The following TRMT11 variants were observed in gnomAD, a reference collection of about 807,000 sequenced individuals.
TRMT11 encodes tRNA methyltransferase 11.
TRMT11 carries 53 observed loss-of-function variants against 62.8 expected under a neutral mutation model. The observed-to-expected ratio is 0.84, with a 90% CI of 0.68 to 1.06. The LOEUF (loss-of-function observed/expected upper bound fraction) is 1.06, where lower values mean the gene tolerates loss of function less well. Among genes scored for constraint, TRMT11 ranks in the 50% least tolerant of loss-of-function variants. TRMT11 has a pLI of 0.00. For missense variants in TRMT11, 556 were observed against 553.4 expected, an observed-to-expected ratio of 1.00 and a Z score of -0.05; for synonymous variants, 188 against 190.3, an observed-to-expected ratio of 0.99 and a Z score of 0.10.
intron 18 of TRMT11, among the ~76,000 whole-genome samples, chr6:126,114,093 A>C (rs891019872): frequency 6.6e-6 from 1 of 152,098 alleles, no homozygotes; most frequent in African/African-American, 2.4e-5. Flanking sequence ...TTCAGAGTGC[A>C]TTTCATGTCA....
At chr6:126,215,384 T>C in the TRMT11 span, among the ~76,000 whole-genome samples, 12 of 152,156 alleles carry the variant, frequency 7.9e-5, no homozygotes, top group Non-Finnish European at 1.6e-4. Flanking sequence ...GGGTCCAATG[T>C]ATTTACAGTT....
chr6:125,996,365 CAAAAATACTTTTTT>C (rs990967234), intron 3 of TRMT11, among the ~76,000 whole-genome samples: 10 of 152,114 alleles, frequency 6.6e-5, no homozygotes, highest in Non-Finnish European at 7.4e-5. Context: ...GCTGAAAATC[CAAAAATACTTTTTT>C]CATAGATGGT....
At chr6:126,096,822 T>C (rs914983240) in intron 17 of TRMT11, among the ~76,000 whole-genome samples, 3 of 152,212 alleles carry the variant, frequency 2.0e-5, no homozygotes, top group African/African-American at 7.2e-5. Flanking sequence ...ATATTTTGTA[T>C]TATCTATTAA....
rs78867345 is a variant in TRMT11, at chr6:126,107,576, G to T, written c.*1438-5290G>T. ...ACATTTCAGTCCTAAATCATGCACAGCAGGCGAGTTTGTGGGCTGAGCGGC... is the reference window on the plus strand; with the variant it reads ...ACATTTCAGTCCTAAATCATGCACATCAGGCGAGTTTGTGGGCTGAGCGGC... On this transcript the variant is annotated intron_variant and NMD_transcript_variant, in intron 17 of 22. Coordinates refer to the TRMT11 transcript ENST00000648977. 1.5e-4 allele frequency among the ~76,000 whole-genome samples: 23 copies of T among 152,280 alleles called. No individual in the cohort carries two copies. In the East Asian group the frequency reaches 4.4e-3, roughly 29 times the overall value.
intron 21 of TRMT11, among the ~76,000 whole-genome samples, chr6:126,121,558 A>G (rs139630363): frequency 1.2e-3 from 188 of 152,146 alleles, no homozygotes; most frequent in African/African-American, 4.5e-3. Context: ...ATTTTGGGTT[A>G]ATGTTCTATC....
intron 17 of TRMT11, among the ~76,000 whole-genome samples, chr6:126,076,585 C>T (rs775489004): frequency 6.6e-6 from 1 of 152,188 alleles, no homozygotes; most frequent in African/African-American, 2.4e-5. Flanking sequence ...TAGTGGTTTT[C>T]ACTCCACAAA....
chr6:125,995,331 T>G (rs1235187508), intron 2 of TRMT11, among the ~76,000 whole-genome samples: 4 of 152,158 alleles, frequency 2.6e-5, no homozygotes, highest in African/African-American at 9.7e-5. Context: ...AGGATCCTTT[T>G]GGATTTTGCT....
At position 125,995,965 on chromosome 6, in the gene TRMT11, A is replaced by G; in HGVS notation, c.139-2A>G. On this transcript the variant is annotated splice_acceptor_variant, in intron 2 of 12. Transcript: ENST00000334379. LOFTEE classifies it high-confidence loss of function. ...TAAGTTGCATATTGTTATTTCTTTT[A>G]GTCACCATTTTGGATTCTTAGCATT... 1 of 1,592,012 alleles carries G rather than the reference A, an allele frequency of 6.3e-7. No homozygotes were observed. The highest frequency in any genetic ancestry group is 8.6e-7 in the Non-Finnish European group (1 of 1,160,032).
chr6:126,258,030 CT>C, the TRMT11 span: 7 of 1,432,334 alleles, frequency 4.9e-6, no homozygotes, highest in South Asian at 8.0e-5. Context: ...CTCCTCGACC[CT>C]GGCAGCCTGG....
At chr6:126,209,975 T>A in the TRMT11 span, among the ~76,000 whole-genome samples, 1 of 152,202 alleles carries the variant, frequency 6.6e-6, no homozygotes, top group Non-Finnish European at 1.5e-5. Flanking sequence ...CCTCACTTTG[T>A]GATGTGTGTG....
At chr6:126,220,168 G>A in the TRMT11 span, among the ~76,000 whole-genome samples, 2 of 152,198 alleles carry the variant, frequency 1.3e-5, no homozygotes, top group Non-Finnish European at 2.9e-5. Flanking sequence ...ACACACTTGG[G>A]AAAAGCAAGT....
chr6:126,009,776 A>C (rs1161213646), intron 8 of TRMT11, among the ~76,000 whole-genome samples: 1 of 152,058 alleles, frequency 6.6e-6, no homozygotes, highest in Non-Finnish European at 1.5e-5. Flanking sequence ...AATTATTCCA[A>C]TTTGCTTTTA....
the TRMT11 span, among the ~76,000 whole-genome samples, chr6:126,234,415 G>T: frequency 6.6e-6 from 1 of 151,850 alleles, no homozygotes; most frequent in African/African-American, 2.4e-5. Flanking sequence ...TTTTATAATT[G>T]GAAGCTCCCA....
chr6:126,207,686 T>A (rs958592422), downstream of TRMT11, among the ~76,000 whole-genome samples: 1 of 152,180 alleles, frequency 6.6e-6, no homozygotes, highest in Admixed American at 6.5e-5. Context: ...TTAGGGTGTA[T>A]AAAGTCAATT....
At chr6:126,258,473 G>T in the TRMT11 span, 13 of 227,636 alleles carry the variant, frequency 5.7e-5, no homozygotes, top group East Asian at 1.6e-3. Context: ...TTACAGTGGG[G>T]GTGCTGGGGG....
rs140322924 is a variant in TRMT11, at chr6:126,183,379, G to A, written n.143+6044G>A. Among the ~76,000 whole-genome samples the A allele has an allele frequency of 9.2e-5, 14 of 152,266 alleles. No homozygotes were observed. The East Asian group carries it at 2.5e-3, about 27-fold the overall frequency. ...TGTAATAAGGCCCAGATGATCTGGGGTGAGAGTTTTCAGGAGTGGGCAGAG... is the reference window on the plus strand; with the variant it reads ...TGTAATAAGGCCCAGATGATCTGGGATGAGAGTTTTCAGGAGTGGGCAGAG... On this transcript the variant is annotated intron_variant and non_coding_transcript_variant, in intron 1 of 3. Transcript: ENST00000444229.
chr6:126,011,023 A>G (rs1794093992), intron 8 of TRMT11, among the ~76,000 whole-genome samples: 1 of 152,178 alleles, frequency 6.6e-6, no homozygotes, highest in Non-Finnish European at 1.5e-5. Flanking sequence ...GTTTTAAGGC[A>G]GTTTTACTTG....
intron 21 of TRMT11, among the ~76,000 whole-genome samples, chr6:126,149,937 C>CT (rs1354733808): frequency 1.3e-5 from 2 of 152,160 alleles, no homozygotes; most frequent in Admixed American, 1.3e-4. Context: ...CACTTGGATG[C>CT]TTTTTGTGAT....
chr6:126,096,553 CTT>C (rs376596023), intron 17 of TRMT11, among the ~76,000 whole-genome samples: 1 of 145,396 alleles, frequency 6.9e-6, no homozygotes. Flanking sequence ...TAGATTTTAG[CTT>C]TTTTTTTTTT....
Sources: gnomAD v4.1 joint callset for allele counts (sites outside exome capture counted in the v4.1 genomes callset) on GRCh38, gnomAD v4.1.1 for gene constraint, MANE v1.5 for transcripts, NCBI Gene and HGNC (gene_info 2026-07-23, HGNC 2026-07-21) for gene names.